Variants in UVRAG observed in about 807,000 individuals in gnomAD.
UVRAG encodes the protein UV radiation resistance associated, also known as UV radiation resistance-associated gene protein.
A neutral mutation model predicts 78.0 loss-of-function variants in UVRAG; 19 were observed. The ratio of observed to expected loss-of-function variants is 0.24; its 90% CI spans 0.17 to 0.36. The LOEUF is 0.36. UVRAG is among the 10% of genes least tolerant of loss of function. The probability of loss-of-function intolerance (pLI) is 1.00; values close to 1 mark genes in which losing one functional copy is unlikely to be tolerated. For synonymous variants in UVRAG, 323 were observed against 324.6 expected (o/e 1.00, Z 0.05); for missense variants, 740 against 853.8 (o/e 0.87, Z 1.66).
At chr11:76,080,211 T>G (rs1951471559) in intron 13 of UVRAG, among the ~76,000 whole-genome samples, 1 of 152,174 alleles carries the variant, frequency 6.6e-6, no homozygotes, top group Non-Finnish European at 1.5e-5. Context: ...GAGGGGACAT[T>G]TAAAACATAG....
At chr11:76,025,523 T>G (rs1356931225) in intron 12 of UVRAG, among the ~76,000 whole-genome samples, 1 of 152,160 alleles carries the variant, frequency 6.6e-6, no homozygotes, top group African/African-American at 2.4e-5. Context: ...ACAACAATAC[T>G]TTTATAAATC....
chr11:75,974,862 G>A (rs1171052040), intron 7 of UVRAG, among the ~76,000 whole-genome samples: 26 of 152,138 alleles, frequency 1.7e-4, no homozygotes, highest in Non-Finnish European at 2.5e-4. Context: ...CTTTTGCTGC[G>A]TAGAAGCTCT....
At chr11:75,985,179 G>A (rs1424902262) in intron 8 of UVRAG, among the ~76,000 whole-genome samples, 2 of 103,166 alleles carry the variant, frequency 1.9e-5, no homozygotes, top group Admixed American at 2.0e-4. Context: ...TGTATATTTT[G>A]TATTTATCGC....
intron 13 of UVRAG, among the ~76,000 whole-genome samples, chr11:76,081,938 CA>C (rs775703377): frequency 0.054 from 3,775 of 69,590 alleles, 132 homozygotes; most frequent in African/African-American, 0.14. Flanking sequence ...AGAACCAAAG[CA>C]AAAAAAAAAA....
intron 13 of UVRAG, among the ~76,000 whole-genome samples, chr11:76,103,574 G>A (rs1296600715): frequency 8.0e-6 from 1 of 125,482 alleles, no homozygotes; most frequent in Non-Finnish European, 1.7e-5. Context: ...ATTTATTTAT[G>A]ATCAACCAGA....
intron 5 of UVRAG, chr11:75,911,235 C>A: frequency 6.2e-6 from 1 of 161,380 alleles, no homozygotes; most frequent in Non-Finnish European, 1.4e-5. Context: ...AGTGGTGGTA[C>A]ATGGATCGAG....
intron 12 of UVRAG, among the ~76,000 whole-genome samples, chr11:76,057,935 G>A (rs557027323): frequency 2.0e-5 from 3 of 151,990 alleles, no homozygotes; most frequent in East Asian, 3.8e-4. Context: ...TGTTATTGTC[G>A]CCCTGGAGGA....
chr11:75,874,778 G>T (rs1946729080), intron 3 of UVRAG, among the ~76,000 whole-genome samples: 1 of 152,186 alleles, frequency 6.6e-6, no homozygotes, highest in South Asian at 2.1e-4. Flanking sequence ...CCTGTGAGGT[G>T]ATAGTTTTAT....
intron 12 of UVRAG, among the ~76,000 whole-genome samples, chr11:76,057,911 TTTG>T (rs1018573309): frequency 5.9e-5 from 9 of 152,188 alleles, no homozygotes; most frequent in African/African-American, 9.6e-5. Flanking sequence ...TTCACAGGTT[TTTG>T]TTGTTGTTGT....
intron 13 of UVRAG, among the ~76,000 whole-genome samples, chr11:76,096,249 T>C (rs1162247607): frequency 6.6e-6 from 1 of 152,198 alleles, no homozygotes; most frequent in Middle Eastern, 3.2e-3. Flanking sequence ...TTAACATGGC[T>C]TTTTTGTGGC....
chr11:75,847,788 T>A (rs1403160362), intron 1 of UVRAG, among the ~76,000 whole-genome samples: 2 of 151,292 alleles, frequency 1.3e-5, no homozygotes, highest in Non-Finnish European at 2.9e-5. Flanking sequence ...CTGGCCAACA[T>A]GGTGAAACCC....
chr11:75,935,996 GT>G (rs1434246867), intron 6 of UVRAG, among the ~76,000 whole-genome samples: 4 of 152,086 alleles, frequency 2.6e-5, no homozygotes, highest in African/African-American at 9.7e-5. Context: ...TAATTTCTCA[GT>G]CTTTCCTTAA....
chr11:76,078,752 CAAA>C (rs61700855), intron 13 of UVRAG, among the ~76,000 whole-genome samples: 3,960 of 37,102 alleles, frequency 0.11, 78 homozygotes, highest in African/African-American at 0.15. Context: ...ACTAAAAATA[CAAA>C]AAAAAAAAAA....
rs568389807 is a variant in UVRAG, at chr11:75,857,145, G to A, written c.236-4601G>A. ...CAGGTTTGTCTGCTCATGCAACTCC[G>A]TCAGTCTGTTCTCAACTGAGATCCT... is the stretch of plus-strand genomic sequence containing the variant. On this transcript the variant is annotated intron_variant, in intron 2 of 14. Transcript: ENST00000356136. Among the ~76,000 whole-genome samples the A allele has an allele frequency of 1.7e-4, 26 of 152,268 alleles. No homozygotes were observed. The South Asian group carries it at 5.2e-3, about 30-fold the overall frequency.
chr11:76,074,120 A>G (rs1951363933), intron 13 of UVRAG, among the ~76,000 whole-genome samples: 1 of 152,204 alleles, frequency 6.6e-6, no homozygotes, highest in South Asian at 2.1e-4. Context: ...CAAACATGCA[A>G]AAGTTTTCTT....
chr11:76,054,472 T>C (rs1055711585), intron 12 of UVRAG, among the ~76,000 whole-genome samples: 1 of 152,222 alleles, frequency 6.6e-6, no homozygotes, highest in African/African-American at 2.4e-5. Flanking sequence ...GAGTAAAAAC[T>C]GAAGTCCTTG....
At chr11:75,933,201 C>T (rs1948280931) in intron 6 of UVRAG, among the ~76,000 whole-genome samples, 1 of 152,092 alleles carries the variant, frequency 6.6e-6, no homozygotes, top group Non-Finnish European at 1.5e-5. Context: ...AGAAATAAAT[C>T]CATACATCTA....
intron 6 of UVRAG, among the ~76,000 whole-genome samples, chr11:75,929,767 C>T (rs948171950): frequency 2.0e-5 from 3 of 152,060 alleles, no homozygotes; most frequent in African/African-American, 7.2e-5. Context: ...TGTCATGGGG[C>T]AGGTGTTAAA....
intron 1 of UVRAG, among the ~76,000 whole-genome samples, chr11:75,851,529 C>G (rs1010102788): frequency 2.6e-5 from 4 of 152,184 alleles, no homozygotes; most frequent in African/African-American, 7.2e-5. Context: ...TTTTATATGT[C>G]TATCAGAATC....
Sources: gnomAD v4.1 joint callset for allele counts (sites outside exome capture counted in the v4.1 genomes callset) on GRCh38, gnomAD v4.1.1 for gene constraint, MANE v1.5 for transcripts, NCBI Gene and HGNC (gene_info 2026-07-23, HGNC 2026-07-21) for gene names.